Variants in GSDMC observed in about 807,000 individuals in gnomAD.
GSDMC encodes gasdermin-C.
Under a neutral mutation model 58.0 loss-of-function variants are expected in GSDMC, and 59 were observed. That is an observed-to-expected ratio of 1.02 (90% CI 0.82 to 1.26). The LOEUF (loss-of-function observed/expected upper bound fraction) is 1.26. Among genes scored for constraint, GSDMC ranks in the 50% most tolerant of loss-of-function variants. The pLI is 0.00. For missense variants in GSDMC, 659 were observed against 598.5 expected, an observed-to-expected ratio of 1.10 and a Z score of -1.06; for synonymous variants, 241 against 220.2, an observed-to-expected ratio of 1.09 and a Z score of -0.83.
At chr8:129,727,062 G>A in the GSDMC span, among the ~76,000 whole-genome samples, 3 of 150,056 alleles carry the variant, frequency 2.0e-5, no homozygotes, top group African/African-American at 7.4e-5. Flanking sequence ...GGCCCCTGAA[G>A]TCAACAAAGT....
rs895547866 is a variant in GSDMC at position 129,752,695 on chromosome 8, T to C, written c.844+3A>G. The C allele has an allele frequency of 2.5e-6, 4 of 1,614,030 alleles. No homozygotes were observed. Among genetic ancestry groups the C allele is most frequent in the Non-Finnish European group, 2.5e-6 (3 of 1,180,000 alleles). ...GTAAAAATAAAGTGAGCAATCACAGTACCTGGTTTTAACTTCATATCATTG... is the reference window on the plus strand; with the variant it reads ...GTAAAAATAAAGTGAGCAATCACAGCACCTGGTTTTAACTTCATATCATTG... On this transcript the variant is annotated splice_donor_region_variant and intron_variant, in intron 7 of 13. Coordinates refer to ENST00000276708, the MANE Select transcript of GSDMC (RefSeq NM_031415.3).
the GSDMC span, among the ~76,000 whole-genome samples, chr8:129,711,122 A>G: frequency 6.6e-6 from 1 of 152,334 alleles, no homozygotes; most frequent in African/African-American, 2.4e-5. Flanking sequence ...GTTGGTGATG[A>G]TGATTATAGT....
At chr8:129,765,522 G>A (rs889470008) in intron 4 of GSDMC, 106 bp downstream of exon 4, 1 of 811,064 alleles carries the variant, frequency 1.2e-6, no homozygotes, top group African/African-American at 1.7e-5. Context: ...TCCATCCCTT[G>A]TAATCCCTGG....
At chr8:129,727,757 C>T in the GSDMC span, among the ~76,000 whole-genome samples, 12 of 152,166 alleles carry the variant, frequency 7.9e-5, no homozygotes, top group Non-Finnish European at 1.3e-4. Context: ...GATTGGAGCA[C>T]CTGCTCTGGA....
chr8:129,757,469 T>C (rs1406954862), intron 6 of GSDMC, among the ~76,000 whole-genome samples: 2 of 151,900 alleles, frequency 1.3e-5, no homozygotes, highest in Non-Finnish European at 2.9e-5. Context: ...TTCTACCAAA[T>C]ATTTAAAGTA....
At position 129,765,806 on chromosome 8, in the gene GSDMC, G is replaced by A. The variant is rs746188580; in HGVS notation, c.405-13C>T. ...ATCCAACAGTTTCCTGGGGATTTAAGGAAGGAGGACAAGAGTCAGAGTGGG... is the reference window on the plus strand; with the variant it reads ...ATCCAACAGTTTCCTGGGGATTTAAAGAAGGAGGACAAGAGTCAGAGTGGG... On this transcript the variant is annotated splice_polypyrimidine_tract_variant and intron_variant, in intron 3 of 13. Coordinates refer to ENST00000276708, the MANE Select transcript of GSDMC (RefSeq NM_031415.3). 33 of 1,611,180 alleles carry A rather than the reference G, an allele frequency of 2.0e-5. No individual in the cohort carries two copies. Among genetic ancestry groups the A allele is most frequent in the Non-Finnish European group, 2.3e-5 (27 of 1,178,678 alleles).
intron 6 of GSDMC, among the ~76,000 whole-genome samples, chr8:129,758,786 C>T (rs2033541014): frequency 6.6e-6 from 1 of 152,062 alleles, no homozygotes; most frequent in Admixed American, 6.6e-5. Flanking sequence ...AATGTCTATA[C>T]TCCCCAAAGC....
chr8:129,706,988 G>C, the GSDMC span: 1 of 152,284 alleles, frequency 6.6e-6, no homozygotes, highest in African/African-American at 2.4e-5. Flanking sequence ...TAATAATAAA[G>C]TGTTCTCTCT....
At chr8:129,730,157 G>C in the GSDMC span, 136 of 1,041,212 alleles carry the variant, frequency 1.3e-4, no homozygotes, top group Non-Finnish European at 1.7e-4. Flanking sequence ...AAAATAAAGA[G>C]CTGGCTATGA....
chr8:129,751,249 C>T (rs2033178361), intron 10 of GSDMC, among the ~76,000 whole-genome samples: 1 of 152,190 alleles, frequency 6.6e-6, no homozygotes, highest in African/African-American at 2.4e-5. Flanking sequence ...CCCTCTGTCT[C>T]TCCCAGGAGA....
the GSDMC span, among the ~76,000 whole-genome samples, chr8:129,710,190 T>C: frequency 6.6e-6 from 1 of 152,258 alleles, no homozygotes; most frequent in Non-Finnish European, 1.5e-5. Context: ...GTGAGCATTA[T>C]AGATTTCTTT....
intron 1 of GSDMC, among the ~76,000 whole-genome samples, chr8:129,781,131 C>G (rs1004806451): frequency 6.6e-6 from 1 of 151,900 alleles, no homozygotes; most frequent in African/African-American, 2.4e-5. Flanking sequence ...AACAGAAGAT[C>G]ACAAAACAAC....
the GSDMC span, chr8:129,707,013 G>A: frequency 6.6e-6 from 1 of 152,164 alleles, no homozygotes; most frequent in Non-Finnish European, 1.5e-5. Context: ...CAGACATGGT[G>A]GTACCCCCAT....
chr8:129,755,296 A>G (rs1430584941), intron 6 of GSDMC, among the ~76,000 whole-genome samples: 1 of 152,198 alleles, frequency 6.6e-6, no homozygotes, highest in East Asian at 1.9e-4. Context: ...CTTACAGGCC[A>G]GGAGAGAATG....
At chr8:129,749,602 C>A in intron 12 of GSDMC, 77 bp from the exon 13 acceptor site, 1 of 1,055,382 alleles carries the variant, frequency 9.5e-7, no homozygotes, top group East Asian at 2.4e-5. Context: ...GCAGGAGACC[C>A]CCTGAGAGAA....
At position 129,749,233 on chromosome 8, in the gene GSDMC, A is replaced by G. The variant is rs2033069168; in HGVS notation, c.1287+219T>C. Among the ~76,000 whole-genome samples, 3 of 152,042 alleles carry G rather than the reference A, an allele frequency of 2.0e-5. No individual in the cohort carries two copies. The South Asian group carries it at 6.2e-4, about 32-fold the overall frequency. On this transcript the variant is annotated intron_variant, in intron 13 of 13. Coordinates refer to ENST00000276708, the MANE Select transcript of GSDMC (RefSeq NM_031415.3). Reference sequence around the variant, plus strand: ...AGGCCTGTTGGGGAATGCTGCAGGGATTGCCATGGAAACTAAGACCCTCCT... The same window carrying G: ...AGGCCTGTTGGGGAATGCTGCAGGGGTTGCCATGGAAACTAAGACCCTCCT...
intron 1 of GSDMC, among the ~76,000 whole-genome samples, chr8:129,779,407 C>T (rs2034344690): frequency 6.6e-6 from 1 of 152,060 alleles, no homozygotes; most frequent in African/African-American, 2.4e-5. Flanking sequence ...ATGATGAGAA[C>T]ACATAGACTC....
intron 3 of GSDMC, among the ~76,000 whole-genome samples, chr8:129,772,165 G>C (rs150411924): frequency 0.011 from 1,627 of 151,748 alleles, 23 homozygotes; most frequent in African/African-American, 0.038. Context: ...GGAGGCTTAG[G>C]CAGGAGAATG....
chr8:129,765,525 A>G (rs776410950), intron 4 of GSDMC, 103 bp downstream of exon 4: 22 of 817,938 alleles, frequency 2.7e-5, no homozygotes, highest in Non-Finnish European at 4.4e-5. Context: ...ATCCCTTGTA[A>G]TCCCTGGAAA....
Sources: allele counts gnomAD v4.1 joint callset (sites outside exome capture counted in the v4.1 genomes callset), GRCh38; gene constraint gnomAD v4.1.1; transcripts MANE v1.5; gene names NCBI Gene and HGNC (gene_info 2026-07-23, HGNC 2026-07-21).